Variants in ZCWPW1 observed in about 807,000 individuals in gnomAD.
The protein encoded by ZCWPW1 is zinc finger CW-type and PWWP domain containing 1.
ZCWPW1 carries 56 observed loss-of-function variants against 81.3 expected under a neutral mutation model. The ratio of observed to expected loss-of-function variants is 0.69; its 90% CI spans 0.56 to 0.86. The LOEUF (loss-of-function observed/expected upper bound fraction) is 0.86. Ranked by LOEUF, ZCWPW1 falls within the 40% of genes least tolerant of loss-of-function variation. ZCWPW1 has a pLI of 0.00. For missense variants in ZCWPW1, 650 were observed against 769.8 expected (o/e 0.84, Z 1.84); for synonymous variants, 250 against 273.7 (o/e 0.91, Z 0.86).
At chr7:100,404,324 T>C in intron 13 of ZCWPW1, 80 bp from the exon 14 acceptor site, 1 of 1,262,722 alleles carries the variant, frequency 7.9e-7, no homozygotes, top group Non-Finnish European at 1.1e-6. Flanking sequence ...GGAATTTAGT[T>C]ATGATGAAAT....
intron 15 of ZCWPW1, among the ~76,000 whole-genome samples, chr7:100,403,076 A>T (rs1792255884): frequency 6.6e-6 from 1 of 152,062 alleles, no homozygotes; most frequent in South Asian, 2.1e-4. Context: ...GAAAGAAGAG[A>T]CTTAGAAACC....
chr7:100,421,417 G>C (rs776676076), intron 2 of ZCWPW1, among the ~76,000 whole-genome samples: 2 of 152,096 alleles, frequency 1.3e-5, no homozygotes, highest in Non-Finnish European at 2.9e-5. Context: ...GACCTCAGAG[G>C]TCTCTGTGCA....
chr7:100,418,246 GA>G (rs761011041), intron 5 of ZCWPW1, among the ~76,000 whole-genome samples: 4 of 152,164 alleles, frequency 2.6e-5, no homozygotes, highest in Non-Finnish European at 5.9e-5. Context: ...ATCGGTATTA[GA>G]AACTGAAATT....
At chr7:100,427,360 C>T (rs956345954) in intron 1 of ZCWPW1, among the ~76,000 whole-genome samples, 13 of 150,728 alleles carry the variant, frequency 8.6e-5, no homozygotes, top group African/African-American at 2.9e-4. Flanking sequence ...GTCAGGAGTT[C>T]GGGACCAGCC....
intron 1 of ZCWPW1, among the ~76,000 whole-genome samples, chr7:100,425,969 T>G (rs1797244233): frequency 6.6e-6 from 1 of 152,220 alleles, no homozygotes; most frequent in Non-Finnish European, 1.5e-5. Context: ...CCAAAAAGTT[T>G]GAGAACTGAC....
Position 100,405,100 on chromosome 7 carries a change from T to C in ZCWPW1, c.1174-7A>G, listed in dbSNP as rs753207257. The C allele has an allele frequency of 2.6e-5, 42 of 1,610,704 alleles. No individual in the cohort carries two copies. The highest frequency in any genetic ancestry group is 5.0e-5 in the Admixed American group (3 of 59,908). On this transcript the variant is annotated splice_polypyrimidine_tract_variant and splice_region_variant and intron_variant, in intron 12 of 17. Transcript: ENST00000684423. ...AGTCATTTCTGCGCTTTTTCTGAAA[T>C]AGAAGATTAGAGCCAATGATAAATA...
At chr7:100,418,073 CG>C in intron 5 of ZCWPW1, among the ~76,000 whole-genome samples, 1 of 151,904 alleles carries the variant, frequency 6.6e-6, no homozygotes, top group Non-Finnish European at 1.5e-5. Context: ...TTAGTAGAGA[CG>C]GGGTTTCACC....
intron 2 of ZCWPW1, among the ~76,000 whole-genome samples, chr7:100,424,085 A>C (rs1435041005): frequency 6.6e-6 from 1 of 151,916 alleles, no homozygotes; most frequent in East Asian, 1.9e-4. Context: ...AAAAAAAAAA[A>C]AAAGACTGGG....
Position 100,402,141 on chromosome 7 carries a change from G to C in ZCWPW1, c.1475-100C>G, listed in dbSNP as rs552891737. ...GTTTCTGCCCTGCCCCACATCTTCT[G>C]CTCAGTTGCAATCTAGTGAGTTTTC... On this transcript the variant is annotated intron_variant, in intron 16 of 17. Coordinates refer to ENST00000684423, the MANE Select transcript of ZCWPW1 (RefSeq NM_001386010.1). The C allele has an allele frequency of 1.5e-5, 21 of 1,441,586 alleles. No individual in the cohort carries two copies. In the African/African-American group the frequency reaches 2.1e-4, roughly 15 times the overall value. 89.3% of individuals were successfully genotyped at this position (1,441,586 alleles called of 1,614,324 possible).
chr7:100,404,814 T>A (rs1792641414), intron 13 of ZCWPW1, among the ~76,000 whole-genome samples, 199 bp downstream of exon 13: 1 of 152,134 alleles, frequency 6.6e-6, no homozygotes, highest in Non-Finnish European at 1.5e-5. Flanking sequence ...TTACTCTCTA[T>A]CCTACCCCCA....
rs1796033046 is a variant in ZCWPW1, at chr7:100,419,866, T to C, written c.46A>G (p.Lys16Glu). 1 of 1,579,288 alleles carries C rather than the reference T, an allele frequency of 6.3e-7. No homozygotes were observed. Among genetic ancestry groups the C allele is most frequent in the African/African-American group, 1.4e-5 (1 of 72,818 alleles). The change falls in exon 4 of 18, where the codon AAG (lysine) becomes GAG (glutamate). Residue 16 changes from lysine (K) to glutamate (E), a missense_variant. Lys to Glu is a moderately conservative substitution (Grantham distance 56). Transcript: ENST00000684423. ...QNKEECGKGP[K>E]RIFAPPAQKS... ...TGTGCAGGTGGGGCAAAGATTCTCT[T>C]TGGTCCCTTTCCACATTCTGAAAGA...
chr7:100,417,215 C>CA (rs1735244273), intron 5 of ZCWPW1, 32 bp from the exon 6 acceptor site: 4 of 1,356,430 alleles, frequency 2.9e-6, no homozygotes, highest in Non-Finnish European at 4.1e-6. Context: ...AGCAGAGAAG[C>CA]AAAAAAACGA....
Position 100,416,429 on chromosome 7 carries a change from A to G in ZCWPW1, c.507T>C (p.Ile169=). ...CAGCTTCACCTTCCCAAGACACTGAAATCTCTTGAGTATGTGGTACCTCCT... is the reference window on the plus strand; with the variant it reads ...CAGCTTCACCTTCCCAAGACACTGAGATCTCTTGAGTATGTGGTACCTCCT... ...NGEEVPHTQE[I]SVSWEGEAAP... is the part of the protein sequence containing the mutation. The change falls in exon 7 of 18, where the codon ATT becomes ATC. Residue 169 remains isoleucine, a synonymous_variant. Transcript: ENST00000684423. 1 of 1,614,150 alleles carries G rather than the reference A, an allele frequency of 6.2e-7. No individual in the cohort carries two copies. The highest frequency in any genetic ancestry group is 8.5e-7 in the Non-Finnish European group (1 of 1,180,018).
intron 5 of ZCWPW1, among the ~76,000 whole-genome samples, chr7:100,418,166 T>C (rs1211729690): frequency 6.6e-6 from 1 of 152,178 alleles, no homozygotes; most frequent in Non-Finnish European, 1.5e-5. Context: ...ATTACAGGCA[T>C]GAGCCACTGC....
chr7:100,416,234 A>G lies in ZCWPW1; in HGVS notation c.631+71T>C, dbSNP rs1795187563. ...TGGGCTGAAAATTCTCAGCCTGCCC[A>G]TGGTCCCATTCCCTAATTTCCTGGA... On this transcript the variant is annotated intron_variant, in intron 7 of 17. Coordinates refer to ENST00000684423, the MANE Select transcript of ZCWPW1 (RefSeq NM_001386010.1). The G allele has an allele frequency of 3.1e-6, 5 of 1,595,274 alleles. No individual in the cohort carries two copies. The Admixed American group carries it at 6.9e-5, about 22-fold the overall frequency.
intron 8 of ZCWPW1, among the ~76,000 whole-genome samples, chr7:100,412,299 G>C (rs766732047): frequency 4.6e-5 from 7 of 152,156 alleles, no homozygotes; most frequent in Non-Finnish European, 8.8e-5. Context: ...CTTGCTCTTT[G>C]ACATCTCTAT....
At chr7:100,410,589 C>T (rs894003683) in intron 8 of ZCWPW1, among the ~76,000 whole-genome samples, 1 of 152,134 alleles carries the variant, frequency 6.6e-6, no homozygotes, top group East Asian at 1.9e-4. Context: ...TCCAAATGAC[C>T]TCTACATCCA....
chr7:100,418,944 T>G, intron 5 of ZCWPW1, 167 bp downstream of exon 5: 1 of 522,524 alleles, frequency 1.9e-6, no homozygotes, highest in Non-Finnish European at 3.4e-6. Flanking sequence ...TTAGCTATAG[T>G]CCTGTTGACA....
intron 2 of ZCWPW1, among the ~76,000 whole-genome samples, chr7:100,421,597 T>C (rs1228572037): frequency 6.6e-6 from 1 of 152,252 alleles, no homozygotes; most frequent in African/African-American, 2.4e-5. Flanking sequence ...TTCCTTATTC[T>C]ACCTTAGCAC....
Sources: gnomAD v4.1 joint callset for allele counts (sites outside exome capture counted in the v4.1 genomes callset) on GRCh38, gnomAD v4.1.1 for gene constraint, MANE v1.5 for transcripts, NCBI Gene and HGNC (gene_info 2026-07-23, HGNC 2026-07-21) for gene names.